Variants in LPGAT1 observed in about 807,000 individuals in gnomAD.
The protein encoded by LPGAT1 is lysophosphatidylglycerol acyltransferase 1, also known as acyl-CoA:lysophosphatidylglycerol acyltransferase 1.
A neutral mutation model predicts 47.5 loss-of-function variants in LPGAT1; 11 were observed. The observed-to-expected ratio is 0.23, with a 90% CI of 0.15 to 0.38. The LOEUF (loss-of-function observed/expected upper bound fraction) is 0.38, where lower values mean the gene tolerates loss of function less well. LPGAT1 is among the 10% of genes least tolerant of loss of function. The pLI is 1.00. For synonymous variants in LPGAT1, 138 were observed against 144.2 expected, an observed-to-expected ratio of 0.96 and a Z score of 0.31; for missense variants, 293 against 439.0, an observed-to-expected ratio of 0.67 and a Z score of 2.97.
intron 2 of LPGAT1, among the ~76,000 whole-genome samples, chr1:211,795,714 C>G (rs1659325784): frequency 6.6e-6 from 1 of 152,122 alleles, no homozygotes; most frequent in South Asian, 2.1e-4. Flanking sequence ...CAAATGAAAA[C>G]TCCCCATATG....
chr1:211,758,697 C>T (rs182582506), intron 6 of LPGAT1, among the ~76,000 whole-genome samples: 1 of 151,564 alleles, frequency 6.6e-6, no homozygotes, highest in East Asian at 1.9e-4. Flanking sequence ...AGTGAGACTC[C>T]GTCTCAGAAA....
chr1:211,829,656 A>T, intron 1 of LPGAT1: 1 of 1,075,820 alleles, frequency 9.3e-7, no homozygotes, highest in Non-Finnish European at 1.1e-6. Context: ...AAATAGATCC[A>T]CTCGCTTCAG....
In LPGAT1 at chr1:211,824,569, A is replaced by T. The variant is rs1660475584; in HGVS notation, c.238+4490T>A. On this transcript the variant is annotated intron_variant, in intron 2 of 7. Coordinates refer to ENST00000366997, the MANE Select transcript of LPGAT1 (RefSeq NM_014873.3). ...ATTTAAAGTTAAAGCTAGACCACTG[A>T]CTCCCAGAGTTTTCCAAAATCCCAG... Among the ~76,000 whole-genome samples, 3 of 152,104 alleles carry T rather than the reference A, an allele frequency of 2.0e-5. No homozygotes were observed. The South Asian group carries it at 6.2e-4, about 32-fold the overall frequency.
At chr1:211,825,422 T>C (rs929792211) in intron 2 of LPGAT1, among the ~76,000 whole-genome samples, 2 of 152,024 alleles carry the variant, frequency 1.3e-5, no homozygotes, top group African/African-American at 4.8e-5. Flanking sequence ...AAAATAAAAA[T>C]AAACTATTTT....
chr1:211,752,467 GTTC>G (rs1263354908), intron 6 of LPGAT1, among the ~76,000 whole-genome samples: 1 of 150,920 alleles, frequency 6.6e-6, no homozygotes, highest in Admixed American at 6.6e-5. Flanking sequence ...CCTCCTCATT[GTTC>G]TTGTTCTGTA....
In LPGAT1 at chr1:211,830,117, C is replaced by T; in HGVS notation, c.-28+456G>A. 1.0e-6 allele frequency: 1 copy of T among 984,284 alleles called. No homozygotes were observed. The highest frequency in any genetic ancestry group is 1.2e-6 in the Non-Finnish European group (1 of 829,626). 61.0% of individuals were successfully genotyped at this position (984,284 alleles called of 1,614,324 possible). ...ACCGCAGCGCGGGGAGCCGGTGGAGCCTGCAGCGGTTTCCGCGGATGTGGA... is the reference window on the plus strand; with the variant it reads ...ACCGCAGCGCGGGGAGCCGGTGGAGTCTGCAGCGGTTTCCGCGGATGTGGA... On this transcript the variant is annotated intron_variant, in intron 1 of 7. Transcript: ENST00000366997. This position sits in a 1 kb window ranked among gnomAD's most constrained non-coding sequence, Gnocchi z 5.9.
At chr1:211,791,269 C>T (rs1558270493) in intron 3 of LPGAT1, among the ~76,000 whole-genome samples, 1 of 152,176 alleles carries the variant, frequency 6.6e-6, no homozygotes, top group African/African-American at 2.4e-5. Context: ...CTAAACACAC[C>T]AGGGCTTATT....
rs139623378 is a variant in LPGAT1, at chr1:211,780,684, A to C, written c.728-1640T>G. The stretch of plus-strand genomic sequence containing the variant: ...AAATAACATATTGCTAAATCAATGG[A>C]GTTTATGTAAAGAAACACACTTTAC... On this transcript the variant is annotated intron_variant, in intron 5 of 7. Transcript: ENST00000366997. Among the ~76,000 whole-genome samples the C allele has an allele frequency of 7.3e-3, 1,113 of 152,314 alleles. 19 individuals are homozygous for C. Among genetic ancestry groups the C allele is most frequent in the African/African-American group, 0.025 (1,044 of 41,566 alleles).
Position 211,779,021 on chromosome 1 carries a change from A to C in LPGAT1, c.751T>G (p.Trp251Gly). The change falls in exon 6 of 8, where the codon TGG becomes GGG. Residue 251 changes from tryptophan to glycine, a missense_variant. Coordinates refer to ENST00000366997, the MANE Select transcript of LPGAT1 (RefSeq NM_014873.3). ...ELDSKSKGLQ[W>G]IIDTTIAYPK... ...TAAGCTATCGTTGTATCTATTATCC[A>C]CTGGAGGCCTTTTGATTTGCTGTCT... 6.3e-7 allele frequency: 1 copy of C among 1,586,614 alleles called. No individual in the cohort carries two copies. Among genetic ancestry groups the C allele is most frequent in the Non-Finnish European group, 8.5e-7 (1 of 1,172,216 alleles).
chr1:211,781,920 T>G (rs760154789), intron 5 of LPGAT1, among the ~76,000 whole-genome samples: 1 of 152,192 alleles, frequency 6.6e-6, no homozygotes, highest in Non-Finnish European at 1.5e-5. Context: ...TGCCTTTTCC[T>G]GGTGAGAAGG....
chr1:211,812,640 ATTAAG>A (rs1325391202), intron 2 of LPGAT1, among the ~76,000 whole-genome samples: 1 of 152,184 alleles, frequency 6.6e-6, no homozygotes, highest in Non-Finnish European at 1.5e-5. Flanking sequence ...AAAAAATGTG[ATTAAG>A]TTAAGAATAT....
At chr1:211,796,646 C>A (rs1009119208) in intron 2 of LPGAT1, among the ~76,000 whole-genome samples, 1 of 152,044 alleles carries the variant, frequency 6.6e-6, no homozygotes, top group African/African-American at 2.4e-5. Context: ...TAACATAACC[C>A]CTCCCTCAAT....
intron 6 of LPGAT1, among the ~76,000 whole-genome samples, chr1:211,752,841 C>G (rs551819963): frequency 3.3e-5 from 5 of 150,658 alleles, no homozygotes; most frequent in African/African-American, 1.2e-4. Context: ...AGCTTTGTGC[C>G]TAATAACCTT....
chr1:211,771,616 G>T (rs1658175430), intron 6 of LPGAT1, among the ~76,000 whole-genome samples: 1 of 151,990 alleles, frequency 6.6e-6, no homozygotes, highest in Non-Finnish European at 1.5e-5. Flanking sequence ...CAATTCTCAT[G>T]ACTCAGCCTC....
chr1:211,794,081 G>A (rs1050948759), intron 2 of LPGAT1, among the ~76,000 whole-genome samples: 3 of 152,122 alleles, frequency 2.0e-5, no homozygotes, highest in Non-Finnish European at 4.4e-5. Flanking sequence ...TGTTAATACC[G>A]ATCATCAATG....
chr1:211,787,361 G>A (rs1310091204), intron 4 of LPGAT1, among the ~76,000 whole-genome samples: 4 of 151,928 alleles, frequency 2.6e-5, no homozygotes, highest in East Asian at 3.9e-4. Context: ...GTAGTGGCAT[G>A]CCTATAGTCC....
intron 6 of LPGAT1, among the ~76,000 whole-genome samples, chr1:211,768,047 C>A (rs1658014135): frequency 6.6e-6 from 1 of 152,010 alleles, no homozygotes; most frequent in South Asian, 2.1e-4. Flanking sequence ...TTACTTTGTT[C>A]TAACTTTTAT....
chr1:211,747,918 G>A lies in LPGAT1; in HGVS notation c.*1981C>T, dbSNP rs1282000535. 6.6e-6 allele frequency: 1 copy of A among 152,522 alleles called. No individual in the cohort carries two copies. The highest frequency in any genetic ancestry group is 6.5e-5 in the Admixed American group (1 of 15,276). 9.4% of individuals were successfully genotyped at this position (152,522 alleles called of 1,614,324 possible). ...ACCAAACACATTAACACTGTCTTCT[G>A]CATTTTACCAGTAGTAGTATAATAT... On this transcript the variant is annotated 3_prime_UTR_variant, in exon 8 of 8. Coordinates refer to ENST00000366997, the MANE Select transcript of LPGAT1 (RefSeq NM_014873.3).
chr1:211,790,567 C>T (rs1571733626), intron 3 of LPGAT1, among the ~76,000 whole-genome samples: 2 of 152,210 alleles, frequency 1.3e-5, no homozygotes, highest in East Asian at 3.9e-4. Context: ...TATTCTGTTA[C>T]TCCTTTATGA....
Sources: gnomAD v4.1 joint callset for allele counts (sites outside exome capture counted in the v4.1 genomes callset) on GRCh38, gnomAD v4.1.1 for gene constraint, Gnocchi (gnomAD v3.1) non-coding constraint, MANE v1.5 for transcripts, NCBI Gene and HGNC (gene_info 2026-07-23, HGNC 2026-07-21) for gene names.